The following IFT70A variants were observed in gnomAD, a reference collection of about 807,000 sequenced individuals.
IFT70A encodes intraflagellar transport 70A.
chr2:177,618,718 A>T, the IFT70A span: 7 of 1,529,532 alleles, frequency 4.6e-6, no homozygotes, highest in Non-Finnish European at 6.2e-6. Context: ...CACGGCTGTT[A>T]TGCGTGCGGT....
At chr2:177,617,414 G>A in the IFT70A span, 10 of 1,591,636 alleles carry the variant, frequency 6.3e-6, no homozygotes, top group Non-Finnish European at 8.5e-6. Context: ...ATTTTTGCCT[G>A]AGCCATCAAC....
chr2:177,616,580 T>C, the IFT70A span: 3 of 929,348 alleles, frequency 3.2e-6, no homozygotes, highest in East Asian at 2.7e-5. Context: ...AAACATAAAC[T>C]TGTTCTTACA....
At chr2:177,615,145 C>T in the IFT70A span, 1 of 152,182 alleles carries the variant, frequency 6.6e-6, no homozygotes, top group African/African-American at 2.4e-5. Flanking sequence ...GCTAAATCTC[C>T]ATTACATCTT....
chr2:177,618,656 C>A, the IFT70A span: 3 of 1,604,768 alleles, frequency 1.9e-6, no homozygotes, highest in Non-Finnish European at 2.6e-6. Context: ...TACACTAGCG[C>A]GGTAAACTCC....
the IFT70A span, chr2:177,616,853 C>T: frequency 1.3e-6 from 2 of 1,595,104 alleles, no homozygotes; most frequent in Non-Finnish European, 1.7e-6. Context: ...TCACAGTGTC[C>T]TAAAAACTGG....
At chr2:177,617,367 C>T in the IFT70A span, 45 of 1,596,494 alleles carry the variant, frequency 2.8e-5, no homozygotes, top group East Asian at 2.2e-4. Flanking sequence ...TGCGGAAGAC[C>T]TTTTCCACCA....
At chr2:177,616,400 A>G in the IFT70A span, 1 of 217,950 alleles carries the variant, frequency 4.6e-6, no homozygotes, top group East Asian at 1.0e-4. Context: ...GACAGCCCAA[A>G]GCTGAAACGT....
chr2:177,617,000 T>C, the IFT70A span: 24 of 1,613,270 alleles, frequency 1.5e-5, no homozygotes, highest in Non-Finnish European at 2.0e-5. Flanking sequence ...AAGCTTTTGA[T>C]AACTCGAGAA....
the IFT70A span, chr2:177,618,708 C>G: frequency 6.4e-7 from 1 of 1,556,778 alleles, no homozygotes; most frequent in South Asian, 1.2e-5. Flanking sequence ...CCATAACCAC[C>G]ACGGCTGTTA....
At chr2:177,616,803 G>A in the IFT70A span, 1 of 1,599,516 alleles carries the variant, frequency 6.3e-7, no homozygotes, top group Non-Finnish European at 8.5e-7. Flanking sequence ...CTTCTTCGAG[G>A]GGTTGTTCAA....
chr2:177,616,988 C>T, the IFT70A span: 1 of 1,613,136 alleles, frequency 6.2e-7, no homozygotes, highest in South Asian at 1.1e-5. Flanking sequence ...TTATAAGGCT[C>T]CAAGCTTTTG....
At chr2:177,616,642 CA>C in the IFT70A span, 3 of 1,370,902 alleles carry the variant, frequency 2.2e-6, no homozygotes, top group African/African-American at 2.9e-5. Flanking sequence ...AGGCTAAATA[CA>C]GATAAAAAAA....
chr2:177,616,625 G>T, the IFT70A span: 2 of 1,254,046 alleles, frequency 1.6e-6, no homozygotes, highest in Middle Eastern at 2.0e-4. Context: ...CAAATATAAA[G>T]ATGCCAAGGC....
chr2:177,616,589 C>A, the IFT70A span: 11 of 1,006,718 alleles, frequency 1.1e-5, no homozygotes, highest in Non-Finnish European at 1.4e-5. Flanking sequence ...CTTGTTCTTA[C>A]AAAGTGGATA....
At chr2:177,613,274 T>C in the IFT70A span, 3 of 152,208 alleles carry the variant, frequency 2.0e-5, no homozygotes, top group Non-Finnish European at 4.4e-5. Flanking sequence ...CCAGTAAACA[T>C]ACAAAATAAT....
the IFT70A span, chr2:177,617,308 G>T: frequency 6.3e-7 from 1 of 1,584,460 alleles, no homozygotes; most frequent in Non-Finnish European, 8.6e-7. Flanking sequence ...CAGAACATGA[G>T]CCACATTCAA....
chr2:177,617,398 C>T, the IFT70A span: 1 of 1,598,242 alleles, frequency 6.3e-7, no homozygotes, highest in East Asian at 2.2e-5. Flanking sequence ...TTCAAGATTC[C>T]AGTAGATTTT....
chr2:177,618,301 C>A, the IFT70A span: 1 of 1,614,162 alleles, frequency 6.2e-7, no homozygotes, highest in South Asian at 1.1e-5. Flanking sequence ...CTCCACCAGG[C>A]TCCTGGACCC....
the IFT70A span, chr2:177,618,407 T>A: frequency 6.2e-7 from 1 of 1,612,772 alleles, no homozygotes; most frequent in East Asian, 2.2e-5. Flanking sequence ...GCGACCCGAG[T>A]GGCCTCCGGA....
Sources: gnomAD v4.1 joint callset for allele counts on GRCh38, gnomAD v4.1.1 for gene constraint, MANE v1.5 for transcripts, NCBI Gene and HGNC (gene_info 2026-07-23, HGNC 2026-07-21) for gene names.